The following GLB1 variants were observed in gnomAD, a reference collection of about 807,000 sequenced individuals.
GLB1 encodes the protein galactosidase beta 1, also known as beta-galactosidase.
A neutral mutation model predicts 74.0 loss-of-function variants in GLB1; 56 were observed. The ratio of observed to expected loss-of-function variants is 0.76; its 90% confidence interval spans 0.61 to 0.94. The LOEUF (loss-of-function observed/expected upper bound fraction) is 0.94. Ranked by LOEUF, GLB1 falls within the 40% of genes least tolerant of loss-of-function variation. GLB1 has a pLI of 0.00. For missense variants in GLB1, 787 were observed against 845.5 expected, an observed-to-expected ratio of 0.93 and a Z score of 0.86; for synonymous variants, 323 against 323.6, an observed-to-expected ratio of 1.00 and a Z score of 0.02.
At chr3:33,075,410 A>T (rs1244003138) in intron 1 of GLB1, among the ~76,000 whole-genome samples, 1 of 152,230 alleles carries the variant, frequency 6.6e-6, no homozygotes, top group Non-Finnish European at 1.5e-5. Flanking sequence ...TGTCCCATAC[A>T]TGGTGGGACA....
intron 1 of GLB1, among the ~76,000 whole-genome samples, chr3:33,077,797 T>C (rs933245548): frequency 6.6e-6 from 1 of 152,106 alleles, no homozygotes; most frequent in African/African-American, 2.4e-5. Flanking sequence ...ATTAGTGGCA[T>C]GCTCATTCAG....
intron 2 of GLB1, among the ~76,000 whole-genome samples, chr3:33,070,521 CAG>C (rs1235426298): frequency 6.6e-6 from 1 of 152,114 alleles, no homozygotes; most frequent in African/African-American, 2.4e-5. Context: ...CAGAAAACTC[CAG>C]AGTTATATCA....
intron 1 of GLB1, among the ~76,000 whole-genome samples, chr3:33,087,297 C>A (rs1700546146): frequency 6.6e-6 from 1 of 152,000 alleles, no homozygotes; most frequent in Admixed American, 6.6e-5. Context: ...AGGCCGGGTA[C>A]GGTGGCTCCC....
chr3:32,980,743 T>C, the GLB1 span, among the ~76,000 whole-genome samples: 1 of 152,002 alleles, frequency 6.6e-6, no homozygotes, highest in Admixed American at 6.6e-5. Context: ...ATCATGCCAC[T>C]GCACTCCAGA....
chr3:32,962,156 T>C, the GLB1 span, among the ~76,000 whole-genome samples: 2 of 151,106 alleles, frequency 1.3e-5, no homozygotes, highest in African/African-American at 4.9e-5. Context: ...GTCACGTCAT[T>C]GCACTTCAGC....
At chr3:33,078,870 G>T (rs1366682861) in intron 1 of GLB1, among the ~76,000 whole-genome samples, 1 of 151,912 alleles carries the variant, frequency 6.6e-6, no homozygotes, top group Non-Finnish European at 1.5e-5. Context: ...TGGATACAGG[G>T]TCTTGCTCCG....
chr3:33,013,005 T>A (rs1364248314), intron 15 of GLB1, among the ~76,000 whole-genome samples: 1 of 152,184 alleles, frequency 6.6e-6, no homozygotes, highest in Non-Finnish European at 1.5e-5. Context: ...GATCACAGTC[T>A]TATCATGTCA....
the GLB1 span, among the ~76,000 whole-genome samples, chr3:32,968,654 G>A: frequency 6.6e-6 from 1 of 152,178 alleles, no homozygotes; most frequent in African/African-American, 2.4e-5. Flanking sequence ...GCCATTACAT[G>A]AAGTCACAAA....
intron 9 of GLB1, among the ~76,000 whole-genome samples, chr3:33,049,303 T>C (rs1361788167): frequency 6.6e-6 from 1 of 151,896 alleles, no homozygotes; most frequent in African/African-American, 2.4e-5. Context: ...ATCTTTTCCT[T>C]TTTTTTAATT....
At chr3:33,006,836 C>A (rs1032257578) in intron 15 of GLB1, among the ~76,000 whole-genome samples, 1 of 152,168 alleles carries the variant, frequency 6.6e-6, no homozygotes, top group African/African-American at 2.4e-5. Context: ...TGTGCCAGGG[C>A]CTTTGACAAG....
Position 33,072,598 on chromosome 3 carries a change from T to C in GLB1, c.191A>G (p.Tyr64Cys), listed in dbSNP as rs759483184. The C allele has an allele frequency of 8.7e-6, 14 of 1,613,948 alleles. No homozygotes were observed. Among genetic ancestry groups the C allele is most frequent in the South Asian group, 6.6e-5 (6 of 91,066 alleles). The change falls in exon 2 of 16, where the codon TAC (tyrosine) becomes TGC (cysteine). Residue 64 changes from tyrosine to cysteine, a missense_variant. Transcript: ENST00000307363. ...SIHYSRVPRF[Y>C]WKDRLLKMKM... ...CATCTTCAGCAGCCGGTCCTTCCAG[T>C]AGAAGCGGGGCACACGGGAGTAGTG...
intron 6 of GLB1, among the ~76,000 whole-genome samples, chr3:33,054,071 C>T (rs978798751): frequency 4.6e-5 from 7 of 151,850 alleles, no homozygotes; most frequent in Non-Finnish European, 7.4e-5. Flanking sequence ...AGAGGCTCAA[C>T]GGAGCTTCCT....
At chr3:33,096,975 G>C in intron 1 of GLB1, 36 bp downstream of exon 1, 1 of 1,606,770 alleles carries the variant, frequency 6.2e-7, no homozygotes, top group South Asian at 1.1e-5. Flanking sequence ...CTGTCCCCTA[G>C]CAATGCCTCC....
chr3:32,971,366 A>C, the GLB1 span, among the ~76,000 whole-genome samples: 1 of 152,250 alleles, frequency 6.6e-6, no homozygotes, highest in East Asian at 1.9e-4. Context: ...TTCCGGGTCC[A>C]TAAGTCATTC....
chr3:33,033,778 C>CA (rs60962107), intron 10 of GLB1: 10,042 of 180,452 alleles, frequency 0.056, 300 homozygotes, highest in African/African-American at 0.14. Flanking sequence ...GAGACTGTCT[C>CA]AAAAAAAAAA....
intron 1 of GLB1, among the ~76,000 whole-genome samples, chr3:33,075,837 C>T (rs927625666): frequency 2.0e-4 from 31 of 151,802 alleles, no homozygotes; most frequent in Admixed American, 1.8e-3. Flanking sequence ...GTCGGGAGAT[C>T]GAGACCATCC....
At chr3:33,030,910 G>C in intron 10 of GLB1, 1 of 754,824 alleles carries the variant, frequency 1.3e-6, no homozygotes, top group Non-Finnish European at 1.6e-6. Context: ...AATCAGTAGG[G>C]AAGAGGAGGT....
chr3:33,051,671 TA>T, intron 9 of GLB1, 86 bp downstream of exon 9: 2 of 1,483,806 alleles, frequency 1.3e-6, no homozygotes, highest in Non-Finnish European at 9.1e-7. Flanking sequence ...AAAAGGAAAA[TA>T]AAATTGTCTG....
intron 15 of GLB1, among the ~76,000 whole-genome samples, chr3:33,004,792 G>A (rs1696718611): frequency 6.6e-6 from 1 of 152,200 alleles, no homozygotes; most frequent in Admixed American, 6.5e-5. Context: ...TCCAGCAGAA[G>A]AGTAGCTTTC....
Sources: allele counts gnomAD v4.1 joint callset (sites outside exome capture counted in the v4.1 genomes callset), GRCh38; gene constraint gnomAD v4.1.1; transcripts MANE v1.5; gene names NCBI Gene and HGNC (gene_info 2026-07-23, HGNC 2026-07-21).